Variants in EML4 observed in about 807,000 individuals in gnomAD.
EML4 encodes the protein EMAP like 4, also known as echinoderm microtubule-associated protein-like 4.
Under a neutral mutation model 129.0 loss-of-function variants are expected in EML4, and 72 were observed. The observed-to-expected ratio is 0.56, with a 90% CI of 0.46 to 0.68. EML4 has a LOEUF of 0.68. Among genes scored for constraint, EML4 ranks in the 30% least tolerant of loss-of-function variants. The pLI, the probability that EML4 is intolerant of heterozygous loss-of-function variation, is 0.00. For missense variants in EML4, 1,363 were observed against 1,190.6 expected (o/e 1.14, Z -2.13); for synonymous variants, 532 against 405.0 (o/e 1.31, Z -3.77).
intron 6 of EML4, among the ~76,000 whole-genome samples, chr2:42,272,212 G>A (rs1311599533): frequency 6.6e-6 from 1 of 152,080 alleles, no homozygotes; most frequent in African/African-American, 2.4e-5. Flanking sequence ...CTGTAGCCAG[G>A]AAGAGTTGCG....
chr2:42,249,052 T>G (rs188987131), intron 2 of EML4, among the ~76,000 whole-genome samples: 1 of 152,196 alleles, frequency 6.6e-6, no homozygotes. Context: ...AATTGGAATT[T>G]AAGTGACTCT....
At chr2:42,230,478 C>T (rs1403747799) in intron 1 of EML4, among the ~76,000 whole-genome samples, 1 of 152,134 alleles carries the variant, frequency 6.6e-6, no homozygotes, top group African/African-American at 2.4e-5. Flanking sequence ...GCAATCTTGG[C>T]TCACTGTAAC....
At chr2:42,243,951 A>G (rs565683123) in intron 1 of EML4, among the ~76,000 whole-genome samples, 22 of 152,294 alleles carry the variant, frequency 1.4e-4, no homozygotes, top group Non-Finnish European at 3.1e-4. Flanking sequence ...TGGTCCAAAC[A>G]GCTCTTACAT....
chr2:42,170,728 A>G (rs1183395518), intron 1 of EML4, among the ~76,000 whole-genome samples: 2 of 152,196 alleles, frequency 1.3e-5, no homozygotes. Flanking sequence ...CTGGAACTGT[A>G]TTTTGAGTTT....
intron 1 of EML4, among the ~76,000 whole-genome samples, chr2:42,237,525 C>T (rs770993103): frequency 2.0e-5 from 3 of 151,998 alleles, no homozygotes; most frequent in Admixed American, 2.0e-4. Flanking sequence ...ATATGGTTCA[C>T]CCTTGAATAA....
At chr2:42,202,789 C>T (rs1672309090) in intron 1 of EML4, among the ~76,000 whole-genome samples, 1 of 152,164 alleles carries the variant, frequency 6.6e-6, no homozygotes, top group African/African-American at 2.4e-5. Context: ...CCTTTGGCAA[C>T]ACCCTTCAAT....
At chr2:42,308,531 A>G (rs1668742998) in intron 17 of EML4, among the ~76,000 whole-genome samples, 1 of 152,212 alleles carries the variant, frequency 6.6e-6, no homozygotes, top group Non-Finnish European at 1.5e-5. Context: ...TCACATAGAA[A>G]GGATTCTTTT....
At chr2:42,255,164 C>T (rs953716499) in intron 2 of EML4, among the ~76,000 whole-genome samples, 2 of 152,010 alleles carry the variant, frequency 1.3e-5, no homozygotes, top group African/African-American at 4.8e-5. Flanking sequence ...CCACTAACTG[C>T]AAGCTCCGCC....
At position 42,190,155 on chromosome 2, in the gene EML4, A is replaced by G. The variant is rs917879973; in HGVS notation, c.25+20519A>G. 4.6e-5 allele frequency among the ~76,000 whole-genome samples: 7 copies of G among 152,328 alleles called. No individual in the cohort carries two copies. The South Asian group carries it at 1.4e-3, about 32-fold the overall frequency. ...AAGAATTAAAGATGTTCTTGTCAGG[A>G]TGATAGAACTTAAGCTTTAGACTAT... On this transcript the variant is annotated intron_variant, in intron 1 of 22. Transcript: ENST00000318522.
At chr2:42,284,852 G>A in intron 9 of EML4, 149 bp downstream of exon 9, 1 of 513,460 alleles carries the variant, frequency 1.9e-6, no homozygotes, top group Non-Finnish European at 3.3e-6. Flanking sequence ...AAAACATTAG[G>A]ATATAAGAAC....
chr2:42,329,635 C>G, intron 22 of EML4, 99 bp from the exon 23 acceptor site: 1 of 937,252 alleles, frequency 1.1e-6, no homozygotes. Flanking sequence ...GCCCATTTCA[C>G]AAGCTGAGTT....
chr2:42,261,256 A>G lies in EML4; in HGVS notation c.474A>G (p.Arg158=). 1 of 1,613,930 alleles carries G rather than the reference A, an allele frequency of 6.2e-7. No homozygotes were observed. The highest frequency in any genetic ancestry group is 8.5e-7 in the Non-Finnish European group (1 of 1,179,888). The part of the protein sequence containing the change: ...QPSSQPLQIH[R]QTPESKNATP... ...CTTCACAACCTCTCCAAATACACAG[A>G]CAAACTCCAGAAAGCAAGAATGCTA... Residue 158 remains arginine (R), a synonymous_variant, in exon 4 of 23, where the codon AGA becomes AGG. Transcript: ENST00000318522.
intron 8 of EML4, among the ~76,000 whole-genome samples, chr2:42,284,226 G>A (rs1321485835): frequency 6.6e-6 from 1 of 152,206 alleles, no homozygotes. Context: ...AAGTCAGCAT[G>A]TATGAGGATT....
chr2:42,232,462 T>G (rs774163020), intron 1 of EML4, among the ~76,000 whole-genome samples: 39 of 152,354 alleles, frequency 2.6e-4, no homozygotes, highest in Non-Finnish European at 4.4e-4. Flanking sequence ...TGTCTGGTGA[T>G]TCAAGTATAA....
chr2:42,272,101 G>C (rs1185846031), intron 6 of EML4, among the ~76,000 whole-genome samples: 3 of 146,586 alleles, frequency 2.0e-5, no homozygotes, highest in Admixed American at 2.0e-4. Context: ...AAAAAACCCT[G>C]TCCAAAAATG....
chr2:42,280,389 G>C (rs534126205), intron 6 of EML4, among the ~76,000 whole-genome samples: 26 of 152,266 alleles, frequency 1.7e-4, no homozygotes, highest in Admixed American at 5.9e-4. Flanking sequence ...TCTGTATGCT[G>C]TGTAATGTAG....
chr2:42,235,132 T>C (rs1213269167), intron 1 of EML4, among the ~76,000 whole-genome samples: 2 of 151,992 alleles, frequency 1.3e-5, no homozygotes, highest in South Asian at 2.1e-4. Context: ...CCCGTCTCTA[T>C]TAAAAGTACA....
rs1667083423 is a variant in EML4, at chr2:42,282,809, CTT to C, written c.792-10_792-9del. On this transcript the variant is annotated splice_polypyrimidine_tract_variant and intron_variant, in intron 7 of 22. Coordinates refer to ENST00000318522, the MANE Select transcript of EML4 (RefSeq NM_019063.5). ...ACTGTGTTTATTTAAAACCTTGACT[CTT>C]TTTCTGTTAAGATATGGTTATCGAG... 1.2e-6 allele frequency: 2 copies of C among 1,606,908 alleles called. No individual in the cohort carries two copies. The highest frequency in any genetic ancestry group is 1.3e-5 in the African/African-American group (1 of 74,524).
chr2:42,273,070 C>A (rs1014739316), intron 6 of EML4, among the ~76,000 whole-genome samples: 1 of 152,112 alleles, frequency 6.6e-6, no homozygotes, highest in Non-Finnish European at 1.5e-5. Flanking sequence ...AATATTTTGA[C>A]ATTTGAAGTT....
Sources: gnomAD v4.1 joint callset for allele counts (sites outside exome capture counted in the v4.1 genomes callset) on GRCh38, gnomAD v4.1.1 for gene constraint, MANE v1.5 for transcripts, NCBI Gene and HGNC (gene_info 2026-07-23, HGNC 2026-07-21) for gene names.